Variants in TLL2 observed in about 807,000 individuals in gnomAD.
TLL2 encodes tolloid like 2, also known as tolloid-like protein 2.
Under a neutral mutation model 123.0 loss-of-function variants are expected in TLL2, and 106 were observed. That is an observed-to-expected ratio of 0.86 (90% CI 0.74 to 1.01). TLL2 has a LOEUF of 1.01. Ranked by LOEUF, TLL2 falls within the 50% of genes least tolerant of loss-of-function variation. TLL2 has a pLI of 0.00. For missense variants in TLL2, 1,332 were observed against 1,336.7 expected (o/e 1.00, Z 0.06); for synonymous variants, 494 against 516.8 (o/e 0.96, Z 0.60).
At chr10:96,425,229 C>G (rs1213906736) in intron 5 of TLL2, among the ~76,000 whole-genome samples, 1 of 150,872 alleles carries the variant, frequency 6.6e-6, no homozygotes, top group South Asian at 2.1e-4. Context: ...TTGGTTAGAC[C>G]ATTAGATAGC....
At position 96,480,467 on chromosome 10, in the gene TLL2, G is replaced by A. The variant is rs1444287456; in HGVS notation, c.176-8C>T. ...TGTCTCCCCAAAAGACAGCTGGGAA[G>A]GAAACACATAAGTGGGTGAATTTAT... On this transcript the variant is annotated splice_polypyrimidine_tract_variant and splice_region_variant and intron_variant, in intron 1 of 20. Coordinates refer to ENST00000357947, the MANE Select transcript of TLL2 (RefSeq NM_012465.4). The A allele has an allele frequency of 1.2e-6, 2 of 1,606,814 alleles. No homozygotes were observed. Among genetic ancestry groups the A allele is most frequent in the African/African-American group, 2.7e-5 (2 of 74,804 alleles).
chr10:96,377,250 G>T (rs1589405232), intron 17 of TLL2, among the ~76,000 whole-genome samples: 1 of 152,340 alleles, frequency 6.6e-6, no homozygotes, highest in East Asian at 1.9e-4. Flanking sequence ...TAATGCATGG[G>T]AAAGGCTTAG....
chr10:96,450,167 A>G (rs903815432), intron 2 of TLL2, among the ~76,000 whole-genome samples: 1 of 150,084 alleles, frequency 6.7e-6, no homozygotes, highest in African/African-American at 2.5e-5. Flanking sequence ...GCATGGATGG[A>G]TGGATGGATG....
At chr10:96,454,153 C>T (rs1187180518) in intron 2 of TLL2, among the ~76,000 whole-genome samples, 1 of 151,878 alleles carries the variant, frequency 6.6e-6, no homozygotes, top group Non-Finnish European at 1.5e-5. Context: ...GCTCTGATCA[C>T]AGAAAGAAAA....
intron 1 of TLL2, among the ~76,000 whole-genome samples, chr10:96,488,270 T>A (rs1190308602): frequency 6.6e-6 from 1 of 152,162 alleles, no homozygotes; most frequent in East Asian, 1.9e-4. Context: ...ACAGGTTTGA[T>A]CCCTTTGGGA....
In TLL2 at chr10:96,395,871, T is replaced by C; in HGVS notation, c.1530+4A>G. ...CTTGGGAAGCCGGTCTGAGCAGCAC[T>C]CACCTCAAAAGCTTGGAAGGTAAGT... On this transcript the variant is annotated splice_donor_region_variant and intron_variant, in intron 12 of 20. Transcript: ENST00000357947. 4.3e-6 allele frequency: 7 copies of C among 1,614,130 alleles called. No homozygotes were observed. Among genetic ancestry groups the C allele is most frequent in the Non-Finnish European group, 5.9e-6 (7 of 1,180,002 alleles).
intron 19 of TLL2, among the ~76,000 whole-genome samples, chr10:96,371,889 G>A (rs1846088083): frequency 6.6e-6 from 1 of 152,204 alleles, no homozygotes; most frequent in East Asian, 1.9e-4. Context: ...GCTGCAGCCA[G>A]AGGGTCTCTG....
chr10:96,432,727 G>C (rs1251400021), intron 4 of TLL2, 80 bp downstream of exon 4: 1 of 1,530,628 alleles, frequency 6.5e-7, no homozygotes, highest in African/African-American at 1.4e-5. Flanking sequence ...ATCCCACCCG[G>C]GTCCTTCCTA....
intron 13 of TLL2, among the ~76,000 whole-genome samples, chr10:96,393,538 C>T (rs1846308976): frequency 6.6e-6 from 1 of 152,226 alleles, no homozygotes. Context: ...GGCCACCCAG[C>T]CGGTGTCACT....
intron 2 of TLL2, among the ~76,000 whole-genome samples, chr10:96,464,266 C>T (rs912989696): frequency 6.6e-6 from 1 of 151,972 alleles, no homozygotes; most frequent in Admixed American, 6.6e-5. Flanking sequence ...CACCTGTAAT[C>T]CCAGCTACTT....
intron 3 of TLL2, among the ~76,000 whole-genome samples, chr10:96,433,762 A>G (rs1450115616): frequency 6.6e-6 from 1 of 151,644 alleles, no homozygotes; most frequent in Admixed American, 6.6e-5. Context: ...GTTTTTGCAG[A>G]CTCTTTTCTT....
intron 1 of TLL2, among the ~76,000 whole-genome samples, chr10:96,505,565 G>A (rs1306400733): frequency 6.6e-6 from 1 of 152,222 alleles, no homozygotes; most frequent in Non-Finnish European, 1.5e-5. Context: ...GTAGATATTA[G>A]TAACCACATT....
intron 1 of TLL2, among the ~76,000 whole-genome samples, chr10:96,480,814 G>A (rs938961875): frequency 1.3e-5 from 2 of 152,214 alleles, no homozygotes; most frequent in African/African-American, 2.4e-5. Context: ...AGAAGAAAAC[G>A]AATAATGTGA....
intron 2 of TLL2, among the ~76,000 whole-genome samples, chr10:96,471,141 C>T (rs1210648308): frequency 6.7e-6 from 1 of 149,692 alleles, no homozygotes; most frequent in Non-Finnish European, 1.5e-5. Flanking sequence ...GCTGGGATTA[C>T]AGGTGTTTGC....
At chr10:96,372,631 A>C (rs1309293933) in intron 19 of TLL2, among the ~76,000 whole-genome samples, 1 of 152,236 alleles carries the variant, frequency 6.6e-6, no homozygotes, top group Non-Finnish European at 1.5e-5. Flanking sequence ...CACGGGGAAC[A>C]GAAACATTTT....
At chr10:96,484,627 A>ACC (rs1847340942) in intron 1 of TLL2, among the ~76,000 whole-genome samples, 1 of 137,396 alleles carries the variant, frequency 7.3e-6, no homozygotes. Flanking sequence ...ACACACACAC[A>ACC]CACCATGGCT....
At chr10:96,410,522 C>G (rs772692257) in intron 8 of TLL2, 48 bp from the exon 9 acceptor site, 6 of 1,489,004 alleles carry the variant, frequency 4.0e-6, no homozygotes, top group East Asian at 4.5e-5. Context: ...CACCTCTCCC[C>G]GCCCAAGCAG....
intron 2 of TLL2, among the ~76,000 whole-genome samples, chr10:96,451,904 T>C (rs908750081): frequency 6.6e-6 from 1 of 152,256 alleles, no homozygotes. Context: ...TGTTTACTCA[T>C]TTTTTAATAC....
At chr10:96,426,680 T>C (rs774725881) in intron 5 of TLL2, among the ~76,000 whole-genome samples, 7 of 152,218 alleles carry the variant, frequency 4.6e-5, no homozygotes, top group Non-Finnish European at 8.8e-5. Context: ...TGCAAACTAC[T>C]CCTTTGTGAT....
Sources: allele counts gnomAD v4.1 joint callset (sites outside exome capture counted in the v4.1 genomes callset), GRCh38; gene constraint gnomAD v4.1.1; transcripts MANE v1.5; gene names NCBI Gene and HGNC (gene_info 2026-07-23, HGNC 2026-07-21).